The following NSUN7 variants were observed in gnomAD, a reference collection of about 807,000 sequenced individuals.
NSUN7 encodes the protein NOP2/Sun RNA methyltransferase family member 7.
A neutral mutation model predicts 58.5 loss-of-function variants in NSUN7; 39 were observed. The ratio of observed to expected loss-of-function variants is 0.67; its 90% CI spans 0.52 to 0.87. The LOEUF (loss-of-function observed/expected upper bound fraction) is 0.87. NSUN7 is among the 40% of genes least tolerant of loss of function. The probability of loss-of-function intolerance (pLI) is 0.00; values close to 1 mark genes in which losing one functional copy is unlikely to be tolerated. For missense variants in NSUN7, 765 were observed against 844.1 expected (o/e 0.91, Z 1.16); for synonymous variants, 278 against 303.7 (o/e 0.92, Z 0.88).
chr4:40,792,523 G>A (rs1045374509), intron 8 of NSUN7, among the ~76,000 whole-genome samples: 3 of 152,112 alleles, frequency 2.0e-5, no homozygotes, highest in Non-Finnish European at 2.9e-5. Flanking sequence ...AGGCCGAGGA[G>A]GGCGGATCAC....
intron 10 of NSUN7, among the ~76,000 whole-genome samples, chr4:40,802,381 A>G (rs1249913236): frequency 6.6e-6 from 1 of 152,206 alleles, no homozygotes; most frequent in Non-Finnish European, 1.5e-5. Context: ...CCAAAGATGC[A>G]TAATGAAATG....
At chr4:40,760,730 A>T (rs2437325) in intron 3 of NSUN7, among the ~76,000 whole-genome samples, 1 of 151,658 alleles carries the variant, frequency 6.6e-6, no homozygotes, top group Admixed American at 6.6e-5. Context: ...GTGTGGTGGC[A>T]CATGCCTGTA....
chr4:40,798,320 A>G (rs1321385533), intron 9 of NSUN7, among the ~76,000 whole-genome samples: 1 of 152,228 alleles, frequency 6.6e-6, no homozygotes, highest in Non-Finnish European at 1.5e-5. Context: ...AGTGAATTGC[A>G]GGTGGTAGTA....
intron 7 of NSUN7, chr4:40,776,552 A>G: frequency 4.6e-6 from 1 of 217,060 alleles, no homozygotes; most frequent in South Asian, 7.8e-5. Flanking sequence ...AATAAGAATG[A>G]TTATCATTTA....
intron 4 of NSUN7, among the ~76,000 whole-genome samples, chr4:40,764,841 C>G (rs1360125514): frequency 1.3e-5 from 2 of 152,172 alleles, no homozygotes; most frequent in Non-Finnish European, 2.9e-5. Context: ...TGATGATGAG[C>G]ATTTTCTCAT....
chr4:40,757,647 T>TAC (rs199623256), intron 2 of NSUN7, among the ~76,000 whole-genome samples: 52 of 144,278 alleles, frequency 3.6e-4, no homozygotes, highest in Admixed American at 1.3e-3. Context: ...TGTATATATA[T>TAC]ACATTGTGTA....
Position 40,798,891 on chromosome 4 carries a change from G to A in NSUN7, c.1387G>A (p.Gly463Arg), listed in dbSNP as rs746168570. 1 of 1,581,736 alleles carries A rather than the reference G, an allele frequency of 6.3e-7. No homozygotes were observed. Among genetic ancestry groups the A allele is most frequent in the Admixed American group, 1.7e-5 (1 of 59,612 alleles). The change falls in exon 10 of 12, where the codon GGA (glycine) becomes AGA (arginine). Residue 463 changes from glycine to arginine, a missense_variant. Transcript: ENST00000381782. ...ALEFQDLGNK[G>R]QPYRLSPPVL... Reference sequence around the variant, plus strand: ...GGAATTTCAAGACCTTGGGAATAAAGGACAACCTTACAGGTAAGAAAAGGA... The same window carrying A: ...GGAATTTCAAGACCTTGGGAATAAAAGACAACCTTACAGGTAAGAAAAGGA...
At position 40,798,768 on chromosome 4, in the gene NSUN7, G is replaced by A; in HGVS notation, c.1283-19G>A. 2 of 1,369,636 alleles carry A rather than the reference G, an allele frequency of 1.5e-6. No individual in the cohort carries two copies. The highest frequency in any genetic ancestry group is 2.1e-6 in the Non-Finnish European group (2 of 963,870). 84.8% of individuals were successfully genotyped at this position (1,369,636 alleles called of 1,614,324 possible). ...TGTTAATATAGTTGTTACAGTCATT[G>A]CATCTTCTTCTAATATAGTTACTAA... is the stretch of plus-strand genomic sequence containing the variant. On this transcript the variant is annotated intron_variant, in intron 9 of 11. Transcript: ENST00000381782.
chr4:40,788,677 T>TGGTG (rs1460982766), intron 7 of NSUN7, among the ~76,000 whole-genome samples: 2 of 152,182 alleles, frequency 1.3e-5, no homozygotes, highest in African/African-American at 2.4e-5. Flanking sequence ...TTTATCCCTA[T>TGGTG]GGTGGCTGTG....
Position 40,808,534 on chromosome 4 carries a change from A to G in NSUN7, c.1752A>G (p.Val584=). The G allele has an allele frequency of 6.4e-7, 1 of 1,552,150 alleles. No homozygotes were observed. The highest frequency in any genetic ancestry group is 8.7e-7 in the Non-Finnish European group (1 of 1,147,108). The change falls in exon 12 of 12, where the codon GTA becomes GTG. Residue 584 remains valine, a synonymous_variant. Coordinates refer to ENST00000381782, the MANE Select transcript of NSUN7 (RefSeq NM_024677.6). ...CCAGTGCTAATCTATCAGAGACTGT[A>G]ACAAAACCACCTCTTCCCCAGAAAA... ...TKASANLSET[V]TKPPLPQKNT... is the part of the protein sequence containing the mutation.
intron 7 of NSUN7, among the ~76,000 whole-genome samples, chr4:40,784,685 A>G (rs919605620): frequency 6.6e-6 from 1 of 152,214 alleles, no homozygotes; most frequent in African/African-American, 2.4e-5. Context: ...GAGTGAAGAA[A>G]GTGTTGCAGA....
chr4:40,794,411 T>C lies in NSUN7; in HGVS notation c.1217T>C (p.Ile406Thr). The change falls in exon 9 of 12, where the codon ATC (isoleucine) becomes ACC (threonine). Residue 406 changes from isoleucine to threonine, a missense_variant. By Grantham distance (89) the Ile-to-Thr change is moderately conservative. Coordinates refer to ENST00000381782, the MANE Select transcript of NSUN7 (RefSeq NM_024677.6). ...CTTAAAGATCACTCTCAAGGAGGCA[T>C]CTCAGTGGACAAACTTCACGTTCTT... The part of the protein sequence containing the change: ...EFLKDHSQGG[I>T]SVDKLHVLAQ... 6.2e-7 allele frequency: 1 copy of C among 1,612,242 alleles called. No individual in the cohort carries two copies. The highest frequency in any genetic ancestry group is 1.1e-5 in the South Asian group (1 of 90,990).
At position 40,750,919 on chromosome 4, in the gene NSUN7, C is replaced by A. The variant is rs776678507; in HGVS notation, c.226C>A (p.Arg76=). ...AATCAAGTATGGGAATGAACCCCTG[C>A]GGTCCTTGTCCGAGTCTGAGGATCA... ...VLIKYGNEPL[R]SLSESEDQSF... Residue 76 remains arginine, a synonymous_variant, in exon 2 of 12, where the codon CGG becomes AGG. Transcript: ENST00000381782. 1.9e-6 allele frequency: 3 copies of A among 1,614,190 alleles called. No individual in the cohort carries two copies. The South Asian group carries it at 3.3e-5, about 18-fold the overall frequency.
In NSUN7 at chr4:40,810,711, A is replaced by AAAG. The variant is rs1744247452; in HGVS notation, c.*1773_*1775dup. On this transcript the variant is annotated 3_prime_UTR_variant, in exon 12 of 12. Coordinates refer to ENST00000381782, the MANE Select transcript of NSUN7 (RefSeq NM_024677.6). ...TTATCACTCTTGTACAGAAAGATAT[A>AAAG]AAGTGCTCAGCTTATTTTGCTGATT... The AAAG allele has an allele frequency of 6.6e-6, 1 of 152,208 alleles. No individual in the cohort carries two copies. Among genetic ancestry groups the AAAG allele is most frequent in the African/African-American group, 2.4e-5 (1 of 41,450 alleles). 9.4% of individuals were successfully genotyped at this position (152,208 alleles called of 1,614,324 possible). A position where few individuals can be genotyped will look rare whatever the true frequency, so the allele number is the denominator to read the frequency against.
intron 7 of NSUN7, among the ~76,000 whole-genome samples, chr4:40,776,700 C>G (rs1742287866): frequency 6.6e-6 from 1 of 152,080 alleles, no homozygotes; most frequent in Non-Finnish European, 1.5e-5. Flanking sequence ...ACCACAGCCT[C>G]TACCTCCTGG....
At chr4:40,799,121 TG>T (rs1743464856) in intron 10 of NSUN7, among the ~76,000 whole-genome samples, 1 of 147,130 alleles carries the variant, frequency 6.8e-6, no homozygotes, top group Non-Finnish European at 1.5e-5. Context: ...AATCTTGCTC[TG>T]TCATCCAGGC....
intron 10 of NSUN7, among the ~76,000 whole-genome samples, chr4:40,805,339 G>A (rs531344693): frequency 1.1e-3 from 170 of 152,178 alleles, no homozygotes; most frequent in Admixed American, 4.3e-3. Flanking sequence ...TGAGGTCCTC[G>A]TCTCCTTGCT....
At chr4:40,755,801 TA>T (rs1311614842) in intron 2 of NSUN7, among the ~76,000 whole-genome samples, 1 of 152,216 alleles carries the variant, frequency 6.6e-6, no homozygotes, top group Non-Finnish European at 1.5e-5. Flanking sequence ...CAGCAACAAG[TA>T]AAGGTACATA....
chr4:40,798,352 A>G (rs1237129417), intron 9 of NSUN7, among the ~76,000 whole-genome samples: 1 of 152,208 alleles, frequency 6.6e-6, no homozygotes, highest in African/African-American at 2.4e-5. Flanking sequence ...TACGGATGAA[A>G]AATTTAAGAC....
Sources: gnomAD v4.1 joint callset for allele counts (sites outside exome capture counted in the v4.1 genomes callset) on GRCh38, gnomAD v4.1.1 for gene constraint, MANE v1.5 for transcripts, NCBI Gene and HGNC (gene_info 2026-07-23, HGNC 2026-07-21) for gene names.